Variants in ARNT2 observed in about 807,000 individuals in gnomAD.
ARNT2 encodes the protein ARNT protein 2.
A neutral mutation model predicts 91.7 loss-of-function variants in ARNT2; 36 were observed. The ratio of observed to expected loss-of-function variants is 0.39; its 90% CI spans 0.30 to 0.52. The LOEUF (loss-of-function observed/expected upper bound fraction) is 0.52, where lower values mean the gene tolerates loss of function less well. Among genes scored for constraint, ARNT2 ranks in the 20% least tolerant of loss-of-function variants. The pLI is 0.72. For missense variants in ARNT2, 775 were observed against 939.3 expected (o/e 0.83, Z 2.29); for synonymous variants, 365 against 347.1 (o/e 1.05, Z -0.57).
chr15:80,546,500 T>A (rs1897993218), intron 8 of ARNT2, among the ~76,000 whole-genome samples: 1 of 152,170 alleles, frequency 6.6e-6, no homozygotes, highest in Admixed American at 6.5e-5. Flanking sequence ...GTCTTTTCCA[T>A]GGAGAGCAGA....
At chr15:80,539,669 A>C (rs1042371204) in intron 8 of ARNT2, among the ~76,000 whole-genome samples, 1 of 152,158 alleles carries the variant, frequency 6.6e-6, no homozygotes, top group African/African-American at 2.4e-5. Flanking sequence ...TGGAGATGTC[A>C]TGATTATCTA....
intron 5 of ARNT2, among the ~76,000 whole-genome samples, chr15:80,507,657 G>A (rs1031062566): frequency 6.6e-6 from 1 of 152,200 alleles, no homozygotes; most frequent in Non-Finnish European, 1.5e-5. Context: ...GAAGAAGGCT[G>A]AGGTTGGAGC....
chr15:80,463,430 T>C (rs12908321), intron 3 of ARNT2, among the ~76,000 whole-genome samples: 98,217 of 152,042 alleles, frequency 0.65, 32,581 homozygotes, highest in East Asian at 0.79. Context: ...CTGGGTAGAA[T>C]TTGGTACAGT....
At chr15:80,526,601 G>A (rs577372986) in intron 8 of ARNT2, among the ~76,000 whole-genome samples, 1 of 152,320 alleles carries the variant, frequency 6.6e-6, no homozygotes, top group East Asian at 1.9e-4. Flanking sequence ...CAGAGCAGGT[G>A]AACTCCCACC....
intron 5 of ARNT2, among the ~76,000 whole-genome samples, chr15:80,493,952 G>C (rs2141413645): frequency 6.6e-6 from 1 of 152,158 alleles, no homozygotes; most frequent in East Asian, 1.9e-4. Context: ...TTCTCTCTCT[G>C]TCTTGCTCCT....
At chr15:80,457,283 T>G (rs1896494330) in intron 2 of ARNT2, among the ~76,000 whole-genome samples, 1 of 152,222 alleles carries the variant, frequency 6.6e-6, no homozygotes, top group Admixed American at 6.5e-5. Context: ...CACAGCTGAT[T>G]TGAGTAGCTT....
intron 11 of ARNT2, among the ~76,000 whole-genome samples, chr15:80,557,685 T>C (rs1040440612): frequency 3.9e-5 from 6 of 152,100 alleles, no homozygotes; most frequent in Non-Finnish European, 1.5e-5. Flanking sequence ...TCCACCTGTT[T>C]GCCCAGGCCA....
chr15:80,491,960 C>T (rs1260607183), intron 5 of ARNT2, among the ~76,000 whole-genome samples: 1 of 151,690 alleles, frequency 6.6e-6, no homozygotes, highest in African/African-American at 2.4e-5. Context: ...TGCCTTTGCA[C>T]ACCAATTATA....
chr15:80,421,247 C>G (rs1895856449), intron 1 of ARNT2, among the ~76,000 whole-genome samples: 2 of 152,002 alleles, frequency 1.3e-5, no homozygotes, highest in African/African-American at 4.8e-5. Context: ...ACATTGGAGA[C>G]TCAGAAGGGT....
chr15:80,498,183 C>A (rs1218018724), intron 5 of ARNT2, among the ~76,000 whole-genome samples: 4 of 152,210 alleles, frequency 2.6e-5, no homozygotes, highest in Non-Finnish European at 5.9e-5. Context: ...TCTCCAGTTG[C>A]ACTCCCTCCT....
rs184668281 is a variant in ARNT2, at chr15:80,569,343, T to C, written c.1317-4805T>C. Among the ~76,000 whole-genome samples the C allele has an allele frequency of 2.4e-3, 365 of 152,282 alleles. 2 individuals carry two copies. Among genetic ancestry groups the C allele is most frequent in the African/African-American group, 7.5e-3 (313 of 41,558 alleles). On this transcript the variant is annotated intron_variant, in intron 12 of 18. Coordinates refer to ENST00000303329, the MANE Select transcript of ARNT2 (RefSeq NM_014862.4). Reference sequence around the variant, plus strand: ...TAATGGAGGGCAGCACTGGCTGTGGTAGGAACCCACTTCCCTCGCATGTGC... The same window carrying C: ...TAATGGAGGGCAGCACTGGCTGTGGCAGGAACCCACTTCCCTCGCATGTGC...
rs149905056 is a variant in ARNT2, at chr15:80,470,203, G to A, written c.195-15G>A. On this transcript the variant is annotated splice_polypyrimidine_tract_variant and intron_variant, in intron 3 of 18. Coordinates refer to ENST00000303329, the MANE Select transcript of ARNT2 (RefSeq NM_014862.4). The stretch of plus-strand genomic sequence containing the variant: ...TCTTTTTTCCCCCTCTCCTGATCTC[G>A]TGCTTTCTGGAAAGAGAGAATCATA... 49 of 1,610,710 alleles carry A rather than the reference G, an allele frequency of 3.0e-5. No individual in the cohort carries two copies. The highest frequency in any genetic ancestry group is 1.7e-4 in the African/African-American group (13 of 74,716).
intron 1 of ARNT2, among the ~76,000 whole-genome samples, chr15:80,423,228 T>C (rs1013909403): frequency 5.3e-5 from 8 of 152,218 alleles, no homozygotes; most frequent in Admixed American, 1.3e-4. Flanking sequence ...ATGGCGTCTG[T>C]GCCCAGTAAA....
intron 5 of ARNT2, among the ~76,000 whole-genome samples, chr15:80,497,484 C>G (rs1897137680): frequency 6.6e-6 from 1 of 152,230 alleles, no homozygotes; most frequent in Non-Finnish European, 1.5e-5. Context: ...GGAATGATCT[C>G]AGAGGTGGAT....
chr15:80,526,051 G>A (rs181905623), intron 8 of ARNT2, among the ~76,000 whole-genome samples: 2 of 152,294 alleles, frequency 1.3e-5, no homozygotes, highest in East Asian at 3.9e-4. Context: ...ACCTGAGAGG[G>A]TTAGTTGTAC....
At chr15:80,478,092 C>T (rs1182242998) in intron 5 of ARNT2, among the ~76,000 whole-genome samples, 1 of 152,158 alleles carries the variant, frequency 6.6e-6, no homozygotes, top group Non-Finnish European at 1.5e-5. Flanking sequence ...ATATAGAAAT[C>T]CTAAGGGACA....
chr15:80,569,026 T>A (rs1898536701), intron 12 of ARNT2, among the ~76,000 whole-genome samples: 1 of 152,154 alleles, frequency 6.6e-6, no homozygotes, highest in South Asian at 2.1e-4. Flanking sequence ...GTAACAAGTA[T>A]TTCGAGTCCT....
At chr15:80,520,592 C>T (rs1334418215) in intron 8 of ARNT2, among the ~76,000 whole-genome samples, 2 of 151,778 alleles carry the variant, frequency 1.3e-5, no homozygotes, top group Non-Finnish European at 2.9e-5. Flanking sequence ...TAAAAAAATA[C>T]CAACAGACAT....
chr15:80,472,096 G>A (rs1896740111), intron 4 of ARNT2, among the ~76,000 whole-genome samples: 1 of 87,392 alleles, frequency 1.1e-5, no homozygotes, highest in Admixed American at 1.4e-4. Context: ...ACTTCATTGT[G>A]TATAGCCGGT....
Sources: allele counts gnomAD v4.1 joint callset (sites outside exome capture counted in the v4.1 genomes callset), GRCh38; gene constraint gnomAD v4.1.1; transcripts MANE v1.5; gene names NCBI Gene and HGNC (gene_info 2026-07-23, HGNC 2026-07-21).